Variants in UMAD1 observed in about 807,000 individuals in gnomAD.
UMAD1 encodes the protein UBAP1-MVB12-associated (UMA)-domain containing protein 1.
In UMAD1, 8 loss-of-function variants were observed where a neutral mutation model predicts 6.1. The ratio of observed to expected loss-of-function variants is 1.30; its 90% CI spans 0.76 to 2.35. The LOEUF is 2.35. Ranked by LOEUF, UMAD1 falls within the 30% of genes most tolerant of loss-of-function variation. The probability of loss-of-function intolerance (pLI) is 0.00; values close to 1 mark genes in which losing one functional copy is unlikely to be tolerated. For missense variants in UMAD1, 130 were observed against 78.4 expected (o/e 1.66, Z -2.49); for synonymous variants, 56 against 31.4 (o/e 1.78, Z -2.61).
intron 3 of UMAD1, among the ~76,000 whole-genome samples, chr7:7,852,974 G>A (rs1783946582): frequency 6.6e-6 from 1 of 152,140 alleles, no homozygotes; most frequent in African/African-American, 2.4e-5. Context: ...AATGAGGGTC[G>A]TATAGCCCAA....
chr7:7,873,770 C>A (rs1339989120), intron 3 of UMAD1, among the ~76,000 whole-genome samples: 1 of 152,110 alleles, frequency 6.6e-6, no homozygotes, highest in Non-Finnish European at 1.5e-5. Context: ...TGAGCTGTTT[C>A]TTATTAGCTT....
rs531354791 is a variant in UMAD1 at position 7,688,990 on chromosome 7, T to G, written c.82+15537T>G. On this transcript the variant is annotated intron_variant, in intron 2 of 3. Transcript: ENST00000682710. ...CTTTATTTAGTTATATAAATGCAAATTAGTAAGCATTCAGACTAAGCCTGC... is the reference window on the plus strand; with the variant it reads ...CTTTATTTAGTTATATAAATGCAAAGTAGTAAGCATTCAGACTAAGCCTGC... Among the ~76,000 whole-genome samples, 4 of 152,348 alleles carry G rather than the reference T, an allele frequency of 2.6e-5. No homozygotes were observed. The South Asian group carries it at 8.3e-4, about 32-fold the overall frequency.
chr7:7,784,396 TGC>T (rs1428136925), intron 2 of UMAD1, among the ~76,000 whole-genome samples: 1 of 149,662 alleles, frequency 6.7e-6, no homozygotes, highest in African/African-American at 2.5e-5. Context: ...AGTGCAGTGG[TGC>T]TACCTTGGCT....
chr7:7,693,027 T>G (rs1224438524), intron 2 of UMAD1, among the ~76,000 whole-genome samples: 1 of 152,218 alleles, frequency 6.6e-6, no homozygotes, highest in Non-Finnish European at 1.5e-5. Context: ...TACAGGTAAT[T>G]TAATCTTTTT....
At chr7:7,786,899 T>G (rs572586137) in intron 2 of UMAD1, among the ~76,000 whole-genome samples, 3 of 152,316 alleles carry the variant, frequency 2.0e-5, no homozygotes, top group African/African-American at 7.2e-5. Context: ...CTGAGACAAG[T>G]TGATTTGAGT....
intron 2 of UMAD1, among the ~76,000 whole-genome samples, chr7:7,680,188 G>T (rs1399647600): frequency 1.3e-5 from 2 of 151,994 alleles, no homozygotes; most frequent in Admixed American, 1.3e-4. Context: ...TTAGATTTAC[G>T]TATTTTATCC....
At chr7:7,701,929 C>A (rs977845528) in intron 2 of UMAD1, among the ~76,000 whole-genome samples, 1 of 152,166 alleles carries the variant, frequency 6.6e-6, no homozygotes, top group South Asian at 2.1e-4. Context: ...ATCAGCTATA[C>A]CTCCCTTTTC....
chr7:7,772,993 A>C (rs969654782), intron 2 of UMAD1, among the ~76,000 whole-genome samples: 1 of 152,168 alleles, frequency 6.6e-6, no homozygotes, highest in Admixed American at 6.5e-5. Context: ...CTGGTCCACA[A>C]GATTTTTGCT....
intron 3 of UMAD1, among the ~76,000 whole-genome samples, chr7:7,804,555 C>A (rs1782869192): frequency 6.6e-6 from 1 of 152,248 alleles, no homozygotes; most frequent in Non-Finnish European, 1.5e-5. Context: ...CGCCTGTAAT[C>A]CCAGCTACTC....
chr7:7,765,353 A>T (rs149611231), intron 2 of UMAD1, among the ~76,000 whole-genome samples: 1 of 152,138 alleles, frequency 6.6e-6, no homozygotes, highest in African/African-American at 2.4e-5. Context: ...TATTTAATCA[A>T]TCATACCATA....
At chr7:7,645,011 T>A (rs372216674) in intron 1 of UMAD1, among the ~76,000 whole-genome samples, 12 of 152,344 alleles carry the variant, frequency 7.9e-5, no homozygotes, top group South Asian at 4.1e-4. Flanking sequence ...GTTTTGACTT[T>A]TAGCTTAGAT....
chr7:7,683,216 A>C (rs978998908), intron 2 of UMAD1, among the ~76,000 whole-genome samples: 1 of 152,174 alleles, frequency 6.6e-6, no homozygotes, highest in Non-Finnish European at 1.5e-5. Flanking sequence ...TTAGGGATCT[A>C]TCTCTCTGTG....
intron 3 of UMAD1, among the ~76,000 whole-genome samples, chr7:7,822,105 T>G (rs1211322936): frequency 1.3e-5 from 2 of 152,134 alleles, no homozygotes; most frequent in Non-Finnish European, 2.9e-5. Flanking sequence ...TTATTAATAA[T>G]CAGCCTCTCT....
At chr7:7,821,089 T>A (rs13224711) in intron 3 of UMAD1, among the ~76,000 whole-genome samples, 52,834 of 152,068 alleles carry the variant, frequency 0.35, 9,328 homozygotes, top group Non-Finnish European at 0.38. Context: ...ACTGTGTTCA[T>A]GAACACAAAA....
intron 2 of UMAD1, among the ~76,000 whole-genome samples, chr7:7,731,262 A>G (rs1279716412): frequency 6.6e-6 from 1 of 152,162 alleles, no homozygotes; most frequent in Non-Finnish European, 1.5e-5. Context: ...GGCCTCCCAA[A>G]GTGCTGGGAT....
At chr7:7,874,549 G>A (rs1784383026) in intron 3 of UMAD1, among the ~76,000 whole-genome samples, 1 of 152,136 alleles carries the variant, frequency 6.6e-6, no homozygotes, top group Admixed American at 6.5e-5. Context: ...GGGCACAGTG[G>A]CTCACGCCTG....
At chr7:7,873,427 C>G (rs1327980697) in intron 3 of UMAD1, among the ~76,000 whole-genome samples, 1 of 152,162 alleles carries the variant, frequency 6.6e-6, no homozygotes, top group Non-Finnish European at 1.5e-5. Context: ...TTACTCATAC[C>G]TGCACTCTTG....
chr7:7,813,569 C>T lies in UMAD1; in HGVS notation c.156+11826C>T, dbSNP rs182186316. ...GATTGGTGTATGCTACACGTAAGAG[C>T]ACAGTGATAGTGTACTGAAGTACCA... On this transcript the variant is annotated intron_variant, in intron 3 of 3. Coordinates refer to ENST00000682710, the MANE Select transcript of UMAD1 (RefSeq NM_001302348.2). Among the ~76,000 whole-genome samples the T allele has an allele frequency of 1.1e-4, 17 of 150,552 alleles. No individual in the cohort carries two copies. The East Asian group carries it at 3.1e-3, about 28-fold the overall frequency.
At chr7:7,780,758 G>A (rs993220021) in intron 2 of UMAD1, among the ~76,000 whole-genome samples, 3 of 152,138 alleles carry the variant, frequency 2.0e-5, no homozygotes, top group African/African-American at 7.2e-5. Context: ...TAAAGATTAT[G>A]ATGTTTGTGA....
Sources: gnomAD v4.1 joint callset for allele counts (sites outside exome capture counted in the v4.1 genomes callset) on GRCh38, gnomAD v4.1.1 for gene constraint, MANE v1.5 for transcripts, NCBI Gene and HGNC (gene_info 2026-07-23, HGNC 2026-07-21) for gene names.